Variants in CNTN4 observed in about 807,000 individuals in gnomAD.
CNTN4 encodes contactin-4.
Under a neutral mutation model 122.5 loss-of-function variants are expected in CNTN4, and 77 were observed. The observed-to-expected ratio is 0.63, with a 90% CI of 0.52 to 0.76. The LOEUF (loss-of-function observed/expected upper bound fraction) is 0.76, where lower values mean the gene tolerates loss of function less well. Among genes scored for constraint, CNTN4 ranks in the 30% least tolerant of loss-of-function variants. The pLI is 0.00. For missense variants in CNTN4, 1,256 were observed against 1,259.1 expected, an observed-to-expected ratio of 1.00 and a Z score of 0.04; for synonymous variants, 512 against 447.0, an observed-to-expected ratio of 1.15 and a Z score of -1.83.
chr3:2,837,406 C>G lies in CNTN4; in HGVS notation c.454+17825C>G, dbSNP rs139228419. 2.8e-3 allele frequency among the ~76,000 whole-genome samples: 429 copies of G among 152,182 alleles called. 5 individuals are homozygous for G. Among genetic ancestry groups the G allele is most frequent in the African/African-American group, 9.8e-3 (408 of 41,510 alleles). On this transcript the variant is annotated intron_variant, in intron 7 of 24. Coordinates refer to ENST00000418658, the MANE Select transcript of CNTN4 (RefSeq NM_175607.3). ...GGAGAGATGGGTATCACTAAAAATGCCTGGATTGGCAGTAATCCGCTTTGC... is the reference window on the plus strand; with the variant it reads ...GGAGAGATGGGTATCACTAAAAATGGCTGGATTGGCAGTAATCCGCTTTGC...
At chr3:2,381,972 CAA>C (rs939710562) in intron 3 of CNTN4, among the ~76,000 whole-genome samples, 1 of 151,874 alleles carries the variant, frequency 6.6e-6, no homozygotes, top group Non-Finnish European at 1.5e-5. Flanking sequence ...TTGTTCTTCC[CAA>C]ATCTTGAGAC....
In CNTN4 at chr3:2,339,182, C is replaced by G. The variant is rs1575410626; in HGVS notation, c.-140C>G. The G allele has an allele frequency of 6.6e-6, 1 of 152,058 alleles. No individual in the cohort carries two copies. The highest frequency in any genetic ancestry group is 1.5e-5 in the Non-Finnish European group (1 of 68,006). The allele number at this position is 152,058 out of a possible 1,614,324, so 9.4% of individuals were successfully genotyped here. A position where few individuals can be genotyped will look rare whatever the true frequency, so the allele number is the denominator to read the frequency against. On this transcript the variant is annotated 5_prime_UTR_variant, in exon 3 of 25. It adds an upstream start codon to the 5' untranslated region. Transcript: ENST00000418658. Reference sequence around the variant, plus strand: ...TATTTTTTCTTTTTATTCTAGGAATCATTGACATAGAGTAACTCCACAGCA... The same window carrying G: ...TATTTTTTCTTTTTATTCTAGGAATGATTGACATAGAGTAACTCCACAGCA...
At chr3:2,313,891 G>A (rs886512936) in intron 2 of CNTN4, among the ~76,000 whole-genome samples, 2 of 151,536 alleles carry the variant, frequency 1.3e-5, no homozygotes, top group African/African-American at 2.4e-5. Flanking sequence ...TTTCTGTCTA[G>A]TAAGAGATGA....
chr3:3,035,508 C>A (rs966878771), intron 17 of CNTN4, among the ~76,000 whole-genome samples: 12 of 152,164 alleles, frequency 7.9e-5, no homozygotes, highest in Non-Finnish European at 1.3e-4. Flanking sequence ...ATAAAGTTTA[C>A]ACAGTGCTCT....
chr3:2,838,753 C>A (rs368974808), intron 7 of CNTN4, among the ~76,000 whole-genome samples: 16 of 152,196 alleles, frequency 1.1e-4, no homozygotes, highest in East Asian at 9.7e-4. Context: ...GCACCACTTC[C>A]CAAGGGGACT....
At chr3:2,708,846 T>C (rs2086918016) in intron 4 of CNTN4, among the ~76,000 whole-genome samples, 1 of 152,192 alleles carries the variant, frequency 6.6e-6, no homozygotes, top group Non-Finnish European at 1.5e-5. Flanking sequence ...AATGCAGTTT[T>C]TATGTTGAAG....
intron 3 of CNTN4, among the ~76,000 whole-genome samples, chr3:2,489,679 C>A (rs953115233): frequency 6.6e-6 from 1 of 152,160 alleles, no homozygotes; most frequent in Non-Finnish European, 1.5e-5. Flanking sequence ...AATGCCTTTT[C>A]TGCATGTTAA....
At chr3:2,530,276 A>G (rs1022832906) in intron 3 of CNTN4, among the ~76,000 whole-genome samples, 1 of 151,202 alleles carries the variant, frequency 6.6e-6, no homozygotes, top group African/African-American at 2.4e-5. Flanking sequence ...TTATTTCACT[A>G]ATATACTCTA....
intron 3 of CNTN4, among the ~76,000 whole-genome samples, chr3:2,483,689 G>A (rs1208990330): frequency 6.6e-6 from 1 of 152,060 alleles, no homozygotes; most frequent in Non-Finnish European, 1.5e-5. Context: ...TTTTATAAGT[G>A]GCATTTCCCC....
intron 7 of CNTN4, among the ~76,000 whole-genome samples, chr3:2,860,677 G>A (rs1446804073): frequency 6.6e-6 from 1 of 152,144 alleles, no homozygotes; most frequent in Non-Finnish European, 1.5e-5. Flanking sequence ...TGTTTCCCAA[G>A]CATTGTTCAC....
intron 4 of CNTN4, among the ~76,000 whole-genome samples, chr3:2,591,210 A>G (rs1435325497): frequency 6.6e-6 from 1 of 152,314 alleles, no homozygotes; most frequent in Admixed American, 6.5e-5. Context: ...CCATGATCAC[A>G]TTGTCCAGAT....
chr3:2,986,590 G>A (rs1027411242), intron 13 of CNTN4, among the ~76,000 whole-genome samples: 4 of 152,128 alleles, frequency 2.6e-5, no homozygotes, highest in Non-Finnish European at 4.4e-5. Context: ...GCAACCCAGC[G>A]CATTTACATC....
chr3:2,348,784 A>G (rs1031633791), intron 3 of CNTN4, among the ~76,000 whole-genome samples: 3 of 152,204 alleles, frequency 2.0e-5, no homozygotes, highest in African/African-American at 4.8e-5. Flanking sequence ...TATGACTCAT[A>G]TCTTAATATG....
intron 4 of CNTN4, among the ~76,000 whole-genome samples, chr3:2,714,872 G>A (rs183249499): frequency 1.0e-3 from 155 of 152,224 alleles, no homozygotes; most frequent in Non-Finnish European, 1.7e-3. Context: ...AAAGCTCTGG[G>A]GTTACAGGCA....
intron 2 of CNTN4, among the ~76,000 whole-genome samples, chr3:2,302,068 T>C (rs555772935): frequency 1.0e-3 from 153 of 152,318 alleles, no homozygotes; most frequent in African/African-American, 3.5e-3. Flanking sequence ...CCCATTTATA[T>C]TTTTTTGTGG....
At chr3:2,284,756 A>G (rs552040446) in intron 2 of CNTN4, among the ~76,000 whole-genome samples, 15 of 152,064 alleles carry the variant, frequency 9.9e-5, no homozygotes, top group Non-Finnish European at 1.6e-4. Context: ...CAGGAGAGAA[A>G]AAGTTAACTT....
intron 14 of CNTN4, among the ~76,000 whole-genome samples, chr3:3,019,805 C>CATAT (rs71058665): frequency 7.4e-5 from 10 of 135,946 alleles, no homozygotes; most frequent in Admixed American, 2.2e-4. Context: ...TATACACATG[C>CATAT]ATATATATAT....
chr3:2,352,500 C>A (rs1385880783), intron 3 of CNTN4, among the ~76,000 whole-genome samples: 1 of 152,228 alleles, frequency 6.6e-6, no homozygotes, highest in Non-Finnish European at 1.5e-5. Context: ...CAGGCCGGCA[C>A]AGCCAGCCCC....
chr3:2,135,583 T>C (rs2034651854), intron 2 of CNTN4, among the ~76,000 whole-genome samples: 1 of 152,092 alleles, frequency 6.6e-6, no homozygotes, highest in Non-Finnish European at 1.5e-5. Flanking sequence ...TCAGCGCATA[T>C]TTGTTGTATT....
Sources: allele counts gnomAD v4.1 joint callset (sites outside exome capture counted in the v4.1 genomes callset), GRCh38; gene constraint gnomAD v4.1.1; transcripts MANE v1.5; gene names NCBI Gene and HGNC (gene_info 2026-07-23, HGNC 2026-07-21).